The following SERPINB12 variants were observed in gnomAD, a reference collection of about 807,000 sequenced individuals.
SERPINB12 encodes the protein serpin family B member 12.
SERPINB12 carries 57 observed loss-of-function variants against 41.1 expected under a neutral mutation model. That is an observed-to-expected ratio of 1.39 (90% CI 1.12 to 1.73). The LOEUF is 1.73. Ranked by LOEUF, SERPINB12 falls within the 40% of genes most tolerant of loss-of-function variation. The pLI, the probability that SERPINB12 is intolerant of heterozygous loss-of-function variation, is 0.00. For missense variants in SERPINB12, 536 were observed against 501.9 expected (o/e 1.07, Z -0.65); for synonymous variants, 180 against 181.3 (o/e 0.99, Z 0.06).
chr18:63,558,286 T>C, intron 2 of SERPINB12, 66 bp from the exon 3 acceptor site: 3 of 1,490,506 alleles, frequency 2.0e-6, no homozygotes, highest in South Asian at 1.3e-5. Context: ...TATGAAATGT[T>C]TCTGAAGTTA....
At chr18:63,540,976 C>T (rs1220138849), upstream of SERPINB12, among the ~76,000 whole-genome samples, 4 of 152,138 alleles carry the variant, frequency 2.6e-5, no homozygotes, top group East Asian at 7.7e-4. Context: ...TTTTGATGGG[C>T]TTACAAATTA....
chr18:63,562,969 G>A (rs1351774773), intron 5 of SERPINB12, among the ~76,000 whole-genome samples: 1 of 152,194 alleles, frequency 6.6e-6, no homozygotes, highest in African/African-American at 2.4e-5. Context: ...TTCAAGTGGA[G>A]CTTAGGGCTG....
chr18:63,536,429 A>G, the SERPINB12 span, among the ~76,000 whole-genome samples: 1 of 152,176 alleles, frequency 6.6e-6, no homozygotes, highest in African/African-American at 2.4e-5. Context: ...ACAATTGCCA[A>G]TGAATATGAT....
At chr18:63,548,742 C>A (rs1437416059) in intron 1 of SERPINB12, among the ~76,000 whole-genome samples, 1 of 151,612 alleles carries the variant, frequency 6.6e-6, no homozygotes, top group African/African-American at 2.4e-5. Context: ...AGTATCAATG[C>A]CATGTAAATT....
At chr18:63,527,717 T>C in the SERPINB12 span, among the ~76,000 whole-genome samples, 266 of 152,286 alleles carry the variant, frequency 1.7e-3, no homozygotes, top group African/African-American at 6.2e-3. Flanking sequence ...TAGTTTCCCA[T>C]TCTGTGTGAA....
At chr18:63,535,432 G>A in the SERPINB12 span, among the ~76,000 whole-genome samples, 635 of 152,076 alleles carry the variant, frequency 4.2e-3, 4 homozygotes, top group African/African-American at 0.015. Flanking sequence ...TGCGTAACTC[G>A]AATCTAATCA....
intron 1 of SERPINB12, among the ~76,000 whole-genome samples, chr18:63,554,652 C>T (rs1322449050): frequency 6.6e-6 from 1 of 152,150 alleles, no homozygotes; most frequent in Non-Finnish European, 1.5e-5. Context: ...TCTCTTGATA[C>T]TCTGGAATAG....
chr18:63,536,471 C>A, the SERPINB12 span, among the ~76,000 whole-genome samples: 2 of 151,948 alleles, frequency 1.3e-5, no homozygotes, highest in East Asian at 3.9e-4. Flanking sequence ...ATAAAAAATG[C>A]AAAATAAAAC....
In SERPINB12 at chr18:63,558,387, C is replaced by T. The variant is rs755738969; in HGVS notation, c.204C>T (p.Ser68=). 5 of 1,613,396 alleles carry T rather than the reference C, an allele frequency of 3.1e-6. No homozygotes were observed. Among genetic ancestry groups the T allele is most frequent in the Non-Finnish European group, 4.2e-6 (5 of 1,179,618 alleles). The change falls in exon 3 of 8, where the codon AGC becomes AGT. Residue 68 remains serine (S), a synonymous_variant. Transcript: ENST00000382768. Reference sequence around the variant, plus strand: ...TCAACGAATTTTCCCAGAATGAAAGCAAAGAACCTGACCCTTGTCTGAAAA... The same window carrying T: ...TCAACGAATTTTCCCAGAATGAAAGTAAAGAACCTGACCCTTGTCTGAAAA... ...LHFNEFSQNE[S]KEPDPCLKSN...
chr18:63,554,474 C>T (rs1427579664), intron 1 of SERPINB12, among the ~76,000 whole-genome samples: 1 of 152,144 alleles, frequency 6.6e-6, no homozygotes, highest in Admixed American at 6.5e-5. Context: ...CCATTCCATT[C>T]AATGCAGCAA....
Position 63,568,875 on chromosome 18 carries a change from G to A in SERPINB12, c.*1864G>A, listed in dbSNP as rs1008777487. 1.3e-5 allele frequency among the ~76,000 whole-genome samples: 2 copies of A among 152,148 alleles called. No homozygotes were observed. The highest frequency in any genetic ancestry group is 2.9e-5 in the Non-Finnish European group (2 of 68,038). ...CTTCTCATTGTTGAAGCTCACTTAC[G>A]ACCTAAAACAATTTGACGTTGGTAA... On this transcript the variant is annotated 3_prime_UTR_variant, in exon 8 of 8. Transcript: ENST00000382768.
chr18:63,558,303 C>A, intron 2 of SERPINB12, 49 bp from the exon 3 acceptor site: 1 of 1,558,876 alleles, frequency 6.4e-7, no homozygotes, highest in East Asian at 2.3e-5. Flanking sequence ...GTTATTCAGG[C>A]TTCCCTCTGT....
At chr18:63,530,282 T>A in the SERPINB12 span, among the ~76,000 whole-genome samples, 4 of 152,156 alleles carry the variant, frequency 2.6e-5, no homozygotes, top group Non-Finnish European at 4.4e-5. Context: ...CCCTGATTAG[T>A]ATTCTCAGTT....
intron 1 of SERPINB12, among the ~76,000 whole-genome samples, chr18:63,542,718 G>T (rs1458240269): frequency 6.6e-6 from 1 of 152,102 alleles, no homozygotes; most frequent in Non-Finnish European, 1.5e-5. Flanking sequence ...GTGGGGTTTG[G>T]TGTACAGATT....
At position 63,559,660 on chromosome 18, in the gene SERPINB12, A is replaced by T. The variant is rs1910834472; in HGVS notation, c.386A>T (p.Asp129Val). The change falls in exon 4 of 8, where the codon GAT becomes GTT. Residue 129 changes from aspartate to valine, a missense_variant. Asp to Val is a radical substitution (Grantham distance 152). Coordinates refer to ENST00000382768, the MANE Select transcript of SERPINB12 (RefSeq NM_001307928.2). ...LLSKLDRIKT[D>V]YTLSIANRLY... ...TCCAAATTAGACAGGATCAAGACTG[A>T]TTACACACTGAGTATTGCCAACAGG... is the stretch of plus-strand genomic sequence containing the variant. The T allele has an allele frequency of 6.2e-7, 1 of 1,614,014 alleles. No individual in the cohort carries two copies. The highest frequency in any genetic ancestry group is 1.3e-5 in the African/African-American group (1 of 74,940).
At chr18:63,540,249 G>C (rs1910246547), upstream of SERPINB12, among the ~76,000 whole-genome samples, 1 of 152,148 alleles carries the variant, frequency 6.6e-6, no homozygotes, top group Admixed American at 6.6e-5. Flanking sequence ...CTAGGTTTTA[G>C]GAGAGGAAAA....
the SERPINB12 span, among the ~76,000 whole-genome samples, chr18:63,535,315 C>T: frequency 6.6e-6 from 1 of 152,014 alleles, no homozygotes; most frequent in Non-Finnish European, 1.5e-5. Flanking sequence ...CATCACCCAA[C>T]CAAATGATCA....
upstream of SERPINB12, among the ~76,000 whole-genome samples, chr18:63,537,736 G>C (rs916567612): frequency 5.3e-5 from 8 of 152,002 alleles, no homozygotes; most frequent in Admixed American, 1.3e-4. Flanking sequence ...TCTTGTTCAT[G>C]GTTTGAAAAA....
intron 1 of SERPINB12, among the ~76,000 whole-genome samples, chr18:63,554,882 C>T (rs1390007533): frequency 6.6e-6 from 1 of 152,084 alleles, no homozygotes; most frequent in Non-Finnish European, 1.5e-5. Flanking sequence ...GAGGAAGTTT[C>T]CCCCATGCTG....
Sources: gnomAD v4.1 joint callset for allele counts (sites outside exome capture counted in the v4.1 genomes callset) on GRCh38, gnomAD v4.1.1 for gene constraint, MANE v1.5 for transcripts, NCBI Gene and HGNC (gene_info 2026-07-23, HGNC 2026-07-21) for gene names.